Variants in IMMP2L observed in about 807,000 individuals in gnomAD.
The protein encoded by IMMP2L is mitochondrial inner membrane protease subunit 2.
A neutral mutation model predicts 19.3 loss-of-function variants in IMMP2L; 18 were observed. That is an observed-to-expected ratio of 0.93 (90% CI 0.64 to 1.38). IMMP2L has a LOEUF of 1.38. Among genes scored for constraint, IMMP2L ranks in the 40% most tolerant of loss-of-function variants. IMMP2L has a pLI of 0.00. For synonymous variants in IMMP2L, 76 were observed against 73.0 expected (o/e 1.04, Z -0.21); for missense variants, 233 against 218.2 (o/e 1.07, Z -0.43).
intron 3 of IMMP2L, among the ~76,000 whole-genome samples, chr7:111,460,805 T>C (rs1163733644): frequency 2.6e-5 from 4 of 152,084 alleles, no homozygotes; most frequent in African/African-American, 9.7e-5. Flanking sequence ...TAATGGTCAA[T>C]ATAAAAATAT....
rs553619511 is a variant in IMMP2L, at chr7:111,033,292, G to A, written c.240-69727C>T. ...ATTAGATACTATTACACATTCAACC[G>A]TGACTAAAACCCAAAACACTGACTA... is the stretch of plus-strand genomic sequence containing the variant. On this transcript the variant is annotated intron_variant, in intron 3 of 5. Coordinates refer to ENST00000405709, the MANE Select transcript of IMMP2L (RefSeq NM_032549.4). Among the ~76,000 whole-genome samples the A allele has an allele frequency of 6.4e-4, 98 of 152,080 alleles. 1 individual carries two copies. In the South Asian group the frequency reaches 0.02, roughly 31 times the overall value.
intron 3 of IMMP2L, among the ~76,000 whole-genome samples, chr7:111,341,012 T>G (rs1826957025): frequency 6.6e-6 from 1 of 152,138 alleles, no homozygotes; most frequent in South Asian, 2.1e-4. Context: ...CATCAAGCTG[T>G]ACTTTCAAGA....
At chr7:111,224,210 C>T (rs1415741418) in intron 3 of IMMP2L, among the ~76,000 whole-genome samples, 2 of 152,038 alleles carry the variant, frequency 1.3e-5, no homozygotes, top group Non-Finnish European at 2.9e-5. Flanking sequence ...GCTTTGTGAA[C>T]TGAAATGCAT....
intron 3 of IMMP2L, among the ~76,000 whole-genome samples, chr7:110,991,291 A>T (rs1822428283): frequency 6.6e-6 from 1 of 152,166 alleles, no homozygotes; most frequent in African/African-American, 2.4e-5. Context: ...GACTACGTAT[A>T]GCGTGGCTTA....
chr7:111,452,559 A>G (rs1222952043), intron 3 of IMMP2L, among the ~76,000 whole-genome samples: 1 of 152,160 alleles, frequency 6.6e-6, no homozygotes, highest in Non-Finnish European at 1.5e-5. Context: ...GCTGAATAAA[A>G]AAGAAATTAA....
intron 1 of IMMP2L, among the ~76,000 whole-genome samples, chr7:111,538,680 C>T (rs1473049975): frequency 6.7e-6 from 1 of 149,068 alleles, no homozygotes; most frequent in African/African-American, 2.5e-5. Flanking sequence ...CATGGTGGCA[C>T]ATGCCTGTGC....
At chr7:110,765,836 C>T (rs1036933518) in intron 5 of IMMP2L, among the ~76,000 whole-genome samples, 4 of 152,046 alleles carry the variant, frequency 2.6e-5, no homozygotes, top group East Asian at 1.9e-4. Flanking sequence ...AAATTTAACA[C>T]GTCTTTTTTA....
At position 110,870,390 on chromosome 7, in the gene IMMP2L, G is replaced by A. The variant is rs113119760; in HGVS notation, c.408+16203C>T. On this transcript the variant is annotated intron_variant, in intron 5 of 5. Transcript: ENST00000405709. The surrounding 1 kb of genome is among the most constrained non-coding windows in gnomAD (Gnocchi z 4.2). The stretch of plus-strand genomic sequence containing the variant: ...ATTTATTTAACAAAATGTAGTAGGT[G>A]CCTATTATGAGCCAGCCAGGCACTG... Among the ~76,000 whole-genome samples, 21 of 152,196 alleles carry A rather than the reference G, an allele frequency of 1.4e-4. 1 individual carries two copies. Among genetic ancestry groups the A allele is most frequent in the African/African-American group, 5.1e-4 (21 of 41,522 alleles).
intron 3 of IMMP2L, among the ~76,000 whole-genome samples, chr7:111,350,441 C>T (rs1008243965): frequency 2.6e-5 from 4 of 151,628 alleles, no homozygotes; most frequent in Non-Finnish European, 5.9e-5. Flanking sequence ...ACTCATTGAA[C>T]AGGGCCATCT....
At chr7:110,946,715 T>C (rs1281176869) in intron 4 of IMMP2L, among the ~76,000 whole-genome samples, 1 of 124,972 alleles carries the variant, frequency 8.0e-6, no homozygotes, top group Non-Finnish European at 1.7e-5. Context: ...AAACATTTAA[T>C]ACCTTTTTTT....
chr7:110,819,571 CA>C (rs1802844776), intron 5 of IMMP2L, among the ~76,000 whole-genome samples: 1 of 151,970 alleles, frequency 6.6e-6, no homozygotes, highest in African/African-American at 2.4e-5. Context: ...CACAAAGTTC[CA>C]AAAACCATGA....
At chr7:110,866,171 G>A (rs1047482328) in intron 5 of IMMP2L, among the ~76,000 whole-genome samples, 2 of 151,766 alleles carry the variant, frequency 1.3e-5, no homozygotes, top group Non-Finnish European at 2.9e-5. Flanking sequence ...TCAGGTTTCA[G>A]GTTCTTTGCT....
chr7:111,504,553 G>A (rs1387979901), intron 2 of IMMP2L, among the ~76,000 whole-genome samples: 1 of 152,052 alleles, frequency 6.6e-6, no homozygotes, highest in Non-Finnish European at 1.5e-5. Context: ...GAGGCATCAT[G>A]CTACCTGACT....
chr7:110,780,117 A>C (rs933246868), intron 5 of IMMP2L, among the ~76,000 whole-genome samples: 1 of 151,634 alleles, frequency 6.6e-6, no homozygotes, highest in Non-Finnish European at 1.5e-5. Context: ...TCGCTTAGGT[A>C]AGAATCTCTT....
intron 5 of IMMP2L, among the ~76,000 whole-genome samples, chr7:110,785,626 C>T (rs1800021390): frequency 6.6e-6 from 1 of 151,878 alleles, no homozygotes; most frequent in African/African-American, 2.4e-5. Context: ...CCATCCTCTA[C>T]TATGGTAGTC....
intron 3 of IMMP2L, among the ~76,000 whole-genome samples, chr7:111,146,087 T>C (rs1562851729): frequency 6.6e-6 from 1 of 152,058 alleles, no homozygotes; most frequent in African/African-American, 2.4e-5. Context: ...TGAAGAGAAG[T>C]TGTAATGTAA....
At chr7:110,837,963 T>C (rs769903822) in intron 5 of IMMP2L, among the ~76,000 whole-genome samples, 1 of 152,104 alleles carries the variant, frequency 6.6e-6, no homozygotes, top group African/African-American at 2.4e-5. Flanking sequence ...TAAGAACATA[T>C]TGTTTTCGGC....
intron 3 of IMMP2L, among the ~76,000 whole-genome samples, chr7:111,242,639 A>C (rs1180224173): frequency 6.6e-6 from 1 of 152,042 alleles, no homozygotes; most frequent in African/African-American, 2.4e-5. Flanking sequence ...TGGGAGCTTT[A>C]TTACAATCCT....
Position 110,877,040 on chromosome 7 carries a change from TAA to T in IMMP2L, c.408+9551_408+9552del, listed in dbSNP as rs1809149937. On this transcript the variant is annotated intron_variant, in intron 5 of 5. Transcript: ENST00000405709. This position sits in a 1 kb window ranked among gnomAD's most constrained non-coding sequence, Gnocchi z 4.0. ...TAAATATTTTAGGATTTGTGGGATA[TAA>T]GTCTCTCTTGCAAGTACTTAACTCA... 6.6e-6 allele frequency among the ~76,000 whole-genome samples: 1 copy of T among 152,294 alleles called. No homozygotes were observed. Among genetic ancestry groups the T allele is most frequent in the Non-Finnish European group, 1.5e-5 (1 of 68,030 alleles).
Sources: gnomAD v4.1 joint callset for allele counts (sites outside exome capture counted in the v4.1 genomes callset) on GRCh38, gnomAD v4.1.1 for gene constraint, Gnocchi (gnomAD v3.1) non-coding constraint, MANE v1.5 for transcripts, NCBI Gene and HGNC (gene_info 2026-07-23, HGNC 2026-07-21) for gene names.